Variants in HIPK2 observed in about 807,000 individuals in gnomAD.
The protein encoded by HIPK2 is homeodomain-interacting protein kinase 2.
Under a neutral mutation model 113.7 loss-of-function variants are expected in HIPK2, and 27 were observed. That is an observed-to-expected ratio of 0.24 (90% confidence interval 0.17 to 0.33). The LOEUF is 0.33. Ranked by LOEUF, HIPK2 falls within the 10% of genes least tolerant of loss-of-function variation. HIPK2 has a pLI of 1.00. For synonymous variants in HIPK2, 631 were observed against 642.2 expected (o/e 0.98, Z 0.26); for missense variants, 1,257 against 1,588.0 (o/e 0.79, Z 3.54).
Position 139,575,337 on chromosome 7 carries a change from C to T in HIPK2, c.2966-49G>A, listed in dbSNP as rs545928814. On this transcript the variant is annotated intron_variant, in intron 13 of 14. Coordinates refer to ENST00000406875, the MANE Select transcript of HIPK2 (RefSeq NM_022740.5). ...CAGATCAGTGGCAGGGTCCCAGCTGCCCAGAAGATGCTACCCCACCAGAGA... is the reference window on the plus strand; with the variant it reads ...CAGATCAGTGGCAGGGTCCCAGCTGTCCAGAAGATGCTACCCCACCAGAGA... 5 of 1,518,224 alleles carry T rather than the reference C, an allele frequency of 3.3e-6. No individual in the cohort carries two copies. In the East Asian group the frequency reaches 9.8e-5, roughly 30 times the overall value. 94.0% of individuals were successfully genotyped at this position (1,518,224 alleles called of 1,614,324 possible).
chr7:139,701,059 A>G (rs1343154348), intron 2 of HIPK2, among the ~76,000 whole-genome samples: 1 of 152,234 alleles, frequency 6.6e-6, no homozygotes, highest in Non-Finnish European at 1.5e-5. Flanking sequence ...GCCAGCACCA[A>G]ACTAACTGGG....
chr7:139,593,175 G>C (rs1456637171), intron 12 of HIPK2, among the ~76,000 whole-genome samples: 1 of 152,236 alleles, frequency 6.6e-6, no homozygotes, highest in East Asian at 1.9e-4. Flanking sequence ...ATTTCTTCAA[G>C]AGCATGGCAC....
At chr7:139,583,059 C>T (rs547369110) in intron 13 of HIPK2, among the ~76,000 whole-genome samples, 42 of 152,230 alleles carry the variant, frequency 2.8e-4, no homozygotes, top group African/African-American at 9.6e-4. Context: ...TCAGTTATGC[C>T]GCCACGCAGG....
intron 12 of HIPK2, among the ~76,000 whole-genome samples, chr7:139,590,872 TCTCA>T (rs1237881206): frequency 6.6e-6 from 1 of 152,142 alleles, no homozygotes; most frequent in Non-Finnish European, 1.5e-5. Context: ...AGAGACAGGG[TCTCA>T]CTCTGTCATC....
At chr7:139,593,674 G>T (rs935478418) in intron 12 of HIPK2, among the ~76,000 whole-genome samples, 4 of 152,204 alleles carry the variant, frequency 2.6e-5, no homozygotes, top group African/African-American at 9.7e-5. Context: ...GAATTAACCA[G>T]CATTTTAGGC....
chr7:139,596,855 C>T lies in HIPK2; in HGVS notation c.2579G>A (p.Gly860Asp). 6.2e-7 allele frequency: 1 copy of T among 1,613,968 alleles called. No individual in the cohort carries two copies. The highest frequency in any genetic ancestry group is 8.5e-7 in the Non-Finnish European group (1 of 1,179,896). ...ACSTSVTCGW[G>D]DVASSTTRER... ...CCGGGTGGTGCTGGAGGCCACGTCG[C>T]CCCACCCACAGGTGACCGAGGTGCT... is the stretch of plus-strand genomic sequence containing the variant. The change falls in exon 12 of 15, where the codon GGC becomes GAC. Residue 860 changes from glycine to aspartate, a missense_variant. By Grantham distance (94) the Gly-to-Asp change is moderately conservative. Transcript: ENST00000406875.
At chr7:139,655,225 T>C (rs916375132) in intron 2 of HIPK2, among the ~76,000 whole-genome samples, 6 of 152,180 alleles carry the variant, frequency 3.9e-5, no homozygotes, top group Non-Finnish European at 7.3e-5. Context: ...ACCACAGTCA[T>C]GACAAATACA....
intron 2 of HIPK2, among the ~76,000 whole-genome samples, chr7:139,707,164 A>G (rs952562853): frequency 3.3e-5 from 5 of 152,200 alleles, no homozygotes; most frequent in African/African-American, 1.2e-4. Context: ...TCCTCTCAGC[A>G]TCACTCTCCC....
At chr7:139,695,462 G>C (rs1794534694) in intron 2 of HIPK2, among the ~76,000 whole-genome samples, 1 of 152,184 alleles carries the variant, frequency 6.6e-6, no homozygotes, top group Non-Finnish European at 1.5e-5. Context: ...ACGCCAACCT[G>C]ATTGCCTGAC....
intron 1 of HIPK2, among the ~76,000 whole-genome samples, chr7:139,772,972 A>G (rs2117180990): frequency 6.6e-6 from 1 of 151,790 alleles, no homozygotes; most frequent in African/African-American, 2.4e-5. Context: ...AAAAAATTCC[A>G]TCTTGAATCA....
At chr7:139,608,269 G>GTGTC (rs763428399) in intron 9 of HIPK2, among the ~76,000 whole-genome samples, 2 of 148,598 alleles carry the variant, frequency 1.3e-5, no homozygotes, top group Non-Finnish European at 3.0e-5. Flanking sequence ...GTGTGTGTGT[G>GTGTC]TGTGTGTGTG....
intron 2 of HIPK2, among the ~76,000 whole-genome samples, chr7:139,661,829 C>G (rs573380988): frequency 6.6e-6 from 1 of 152,304 alleles, no homozygotes; most frequent in East Asian, 1.9e-4. Flanking sequence ...AAATACTATG[C>G]TTTTCTTACT....
intron 2 of HIPK2, among the ~76,000 whole-genome samples, chr7:139,667,009 G>A (rs900196722): frequency 6.6e-6 from 1 of 151,730 alleles, no homozygotes; most frequent in East Asian, 1.9e-4. Context: ...AGGTTGCAGT[G>A]AGCCGAGATT....
intron 1 of HIPK2, among the ~76,000 whole-genome samples, chr7:139,747,116 C>A (rs1010155077): frequency 6.6e-6 from 1 of 152,140 alleles, no homozygotes; most frequent in Non-Finnish European, 1.5e-5. Context: ...CCAAATACTG[C>A]CCAGTTGGGG....
Position 139,631,149 on chromosome 7 carries a change from G to A in HIPK2, c.1347+16C>T, listed in dbSNP as rs370070215. 1.4e-5 allele frequency: 22 copies of A among 1,602,916 alleles called. No homozygotes were observed. In the African/African-American group the frequency reaches 2.7e-4, roughly 20 times the overall value. ...CGCTGGGCCACTGTGAGGAGTGGAG[G>A]AGACGCTCTTCCTACCTTCAGTCTC... On this transcript the variant is annotated intron_variant, in intron 4 of 14. Transcript: ENST00000406875. This position sits in a 1 kb window ranked among gnomAD's most constrained non-coding sequence, Gnocchi z 4.9.
At chr7:139,707,763 A>G (rs909223830) in intron 2 of HIPK2, among the ~76,000 whole-genome samples, 4 of 152,230 alleles carry the variant, frequency 2.6e-5, no homozygotes, top group Non-Finnish European at 4.4e-5. Flanking sequence ...TGAGAGTTAC[A>G]GCTCCAAACC....
In HIPK2 at chr7:139,672,041, A is replaced by G. The variant is rs187248958; in HGVS notation, c.1104-40316T>C. Among the ~76,000 whole-genome samples the G allele has an allele frequency of 3.4e-3, 519 of 151,850 alleles. 3 individuals are homozygous for G. Among genetic ancestry groups the G allele is most frequent in the Non-Finnish European group, 4.7e-3 (321 of 68,000 alleles). Reference sequence around the variant, plus strand: ...CATTATATGATTCTAGATTTTTATAAAAGATTTTTATGAGTTTCTTATAGT... The same window carrying G: ...CATTATATGATTCTAGATTTTTATAGAAGATTTTTATGAGTTTCTTATAGT... On this transcript the variant is annotated intron_variant, in intron 2 of 14. Transcript: ENST00000406875.
intron 2 of HIPK2, among the ~76,000 whole-genome samples, chr7:139,634,228 C>A (rs1444252503): frequency 6.6e-6 from 1 of 152,064 alleles, no homozygotes; most frequent in African/African-American, 2.4e-5. Flanking sequence ...AAGGAGTGAC[C>A]GCTGGGGGCT....
rs199553708 is a variant in HIPK2, at chr7:139,564,060, T to G, written c.*8867A>C. The G allele has an allele frequency of 7.8e-5, 31 of 397,850 alleles. No individual in the cohort carries two copies. Among genetic ancestry groups the G allele is most frequent in the Non-Finnish European group, 8.8e-5 (20 of 226,006 alleles). The allele number at this position is 397,850 out of a possible 1,614,324, so 24.6% of individuals were successfully genotyped here. ...AATGGACCAGGCTGAGCTGCCCCTC[T>G]GTCTCTGCCTCCTCCTGCTCAGCCC... On this transcript the variant is annotated 3_prime_UTR_variant, in exon 15 of 15. Coordinates refer to ENST00000406875, the MANE Select transcript of HIPK2 (RefSeq NM_022740.5).
Sources: gnomAD v4.1 joint callset for allele counts (sites outside exome capture counted in the v4.1 genomes callset) on GRCh38, gnomAD v4.1.1 for gene constraint, Gnocchi (gnomAD v3.1) non-coding constraint, MANE v1.5 for transcripts, NCBI Gene and HGNC (gene_info 2026-07-23, HGNC 2026-07-21) for gene names.